The following ARHGAP22 variants were observed in gnomAD, a reference collection of about 807,000 sequenced individuals.
ARHGAP22 encodes the protein rho GTPase-activating protein 22.
Under a neutral mutation model 59.1 loss-of-function variants are expected in ARHGAP22, and 48 were observed. That is an observed-to-expected ratio of 0.81 (90% confidence interval 0.64 to 1.03). ARHGAP22 has a LOEUF of 1.03. ARHGAP22 is among the 50% of genes least tolerant of loss of function. ARHGAP22 has a pLI of 0.00. For missense variants in ARHGAP22, 1,015 were observed against 958.7 expected, an observed-to-expected ratio of 1.06 and a Z score of -0.78; for synonymous variants, 445 against 416.4, an observed-to-expected ratio of 1.07 and a Z score of -0.84.
At chr10:48,508,927 A>G (rs1456060794) in intron 3 of ARHGAP22, among the ~76,000 whole-genome samples, 1 of 152,270 alleles carries the variant, frequency 6.6e-6, no homozygotes, top group Non-Finnish European at 1.5e-5. Context: ...CCTTGTGGGT[A>G]CCACTGGGGC....
intron 3 of ARHGAP22, among the ~76,000 whole-genome samples, chr10:48,554,986 T>C (rs1313615217): frequency 6.6e-6 from 1 of 152,226 alleles, no homozygotes; most frequent in Non-Finnish European, 1.5e-5. Flanking sequence ...ATTGTCAAAC[T>C]TGGAAGTTTA....
intron 1 of ARHGAP22, among the ~76,000 whole-genome samples, chr10:48,588,285 G>T (rs1166409411): frequency 1.3e-5 from 2 of 152,194 alleles, no homozygotes; most frequent in Non-Finnish European, 2.9e-5. Context: ...GATAGGAAAG[G>T]CTGGCTCCAG....
chr10:48,498,521 T>G (rs1589765932), intron 3 of ARHGAP22, among the ~76,000 whole-genome samples: 1 of 152,084 alleles, frequency 6.6e-6, no homozygotes, highest in South Asian at 2.1e-4. Flanking sequence ...GCCCTCTGCA[T>G]CCCCAAGCAG....
intron 2 of ARHGAP22, among the ~76,000 whole-genome samples, chr10:48,582,002 G>T (rs1392757643): frequency 6.6e-6 from 1 of 152,212 alleles, no homozygotes; most frequent in Non-Finnish European, 1.5e-5. Flanking sequence ...GGCTCACAGG[G>T]TTGACACTTC....
chr10:48,450,912 C>T lies in ARHGAP22; in HGVS notation c.1217G>A (p.Arg406Lys). ...GCTCCCCGGCCCCGTGGGGGCTGTTCTGGAGAGCACCGCCACGGCCGCCCC... is the reference window on the plus strand; with the variant it reads ...GCTCCCCGGCCCCGTGGGGGCTGTTTTGGAGAGCACCGCCACGGCCGCCCC... ...LDGAAVAVLSRTAPTGPGSRC... is the reference protein window; with the variant it reads ...LDGAAVAVLSKTAPTGPGSRC... The change falls in exon 9 of 10, where the codon AGA (arginine) becomes AAA (lysine). Residue 406 changes from arginine (R) to lysine (K), a missense_variant. Coordinates refer to ENST00000249601, the MANE Select transcript of ARHGAP22 (RefSeq NM_021226.4). The T allele has an allele frequency of 6.3e-7, 1 of 1,598,168 alleles. No homozygotes were observed. The highest frequency in any genetic ancestry group is 2.3e-5 in the East Asian group (1 of 44,408).
intron 2 of ARHGAP22, among the ~76,000 whole-genome samples, chr10:48,559,722 T>C (rs140554643): frequency 1.3e-5 from 2 of 152,318 alleles, no homozygotes; most frequent in Admixed American, 6.5e-5. Flanking sequence ...TTCTATTGGG[T>C]TGTCTTTTAT....
At chr10:48,638,293 A>T (rs1482851633) in intron 1 of ARHGAP22, among the ~76,000 whole-genome samples, 2 of 152,152 alleles carry the variant, frequency 1.3e-5, no homozygotes. Flanking sequence ...GCTGCTGATC[A>T]GTGGAATCAC....
chr10:48,446,303 T>C lies in ARHGAP22; in HGVS notation c.*88A>G. 1 of 1,452,038 alleles carries C rather than the reference T, an allele frequency of 6.9e-7. No homozygotes were observed. Among genetic ancestry groups the C allele is most frequent in the South Asian group, 1.3e-5 (1 of 77,780 alleles). The allele number at this position is 1,452,038 out of a possible 1,614,324, so 89.9% of individuals were successfully genotyped here. A position where few individuals can be genotyped will look rare whatever the true frequency, so the allele number is the denominator to read the frequency against. On this transcript the variant is annotated 3_prime_UTR_variant, in exon 10 of 10. Coordinates refer to ENST00000249601, the MANE Select transcript of ARHGAP22 (RefSeq NM_021226.4). ...TCTCTCCAGCTGGCTCCAGAGCGCCTGGCTGCTCCAGAGATACAGACGCTT... is the reference window on the plus strand; with the variant it reads ...TCTCTCCAGCTGGCTCCAGAGCGCCCGGCTGCTCCAGAGATACAGACGCTT...
At chr10:48,519,370 T>C (rs2053592262) in intron 3 of ARHGAP22, among the ~76,000 whole-genome samples, 1 of 152,200 alleles carries the variant, frequency 6.6e-6, no homozygotes, top group Non-Finnish European at 1.5e-5. Context: ...CTATACTCTG[T>C]CCACCAGCAA....
intron 9 of ARHGAP22, 72 bp from the exon 10 acceptor site, chr10:48,446,691 T>C (rs527262757): frequency 3.1e-5 from 45 of 1,451,132 alleles, no homozygotes; most frequent in Non-Finnish European, 4.1e-5. Flanking sequence ...TATACCATGC[T>C]TGTGCTCACT....
At chr10:48,512,014 C>T (rs2134560242) in intron 3 of ARHGAP22, among the ~76,000 whole-genome samples, 1 of 152,378 alleles carries the variant, frequency 6.6e-6, no homozygotes, top group African/African-American at 2.4e-5. Context: ...AGAGCCCTAC[C>T]TCAAGAGGAA....
At chr10:48,453,632 A>G (rs2046208782) in intron 7 of ARHGAP22, among the ~76,000 whole-genome samples, 1 of 152,218 alleles carries the variant, frequency 6.6e-6, no homozygotes, top group South Asian at 2.1e-4. Context: ...AGTCACTGGG[A>G]CAAGGGCCCA....
chr10:48,559,846 C>T (rs1841532223), intron 2 of ARHGAP22, among the ~76,000 whole-genome samples: 3 of 152,096 alleles, frequency 2.0e-5, no homozygotes, highest in African/African-American at 7.2e-5. Flanking sequence ...TAGTTTACAT[C>T]TTTTATAGTA....
chr10:48,528,259 A>G (rs918769469), intron 3 of ARHGAP22, among the ~76,000 whole-genome samples: 17 of 152,126 alleles, frequency 1.1e-4, no homozygotes, highest in African/African-American at 3.9e-4. Flanking sequence ...AGAATATCCA[A>G]GGCACCCTCA....
intron 1 of ARHGAP22, among the ~76,000 whole-genome samples, chr10:48,635,926 G>A (rs1475953471): frequency 6.6e-6 from 1 of 152,238 alleles, no homozygotes; most frequent in Non-Finnish European, 1.5e-5. Context: ...TATCTTGCAA[G>A]CTGGCTACAG....
rs10430610 is a variant in ARHGAP22, at chr10:48,593,014, G to A, written c.35-9862C>T. ...CTGGGGACCGGCCACACGGCCTCTCGGCCTCCTTTATCCTCTCTTGTCCTG... is the reference window on the plus strand; with the variant it reads ...CTGGGGACCGGCCACACGGCCTCTCAGCCTCCTTTATCCTCTCTTGTCCTG... On this transcript the variant is annotated intron_variant, in intron 1 of 9. Transcript: ENST00000249601. 1.5e-4 allele frequency among the ~76,000 whole-genome samples: 23 copies of A among 152,150 alleles called. 1 individual carries two copies. Among genetic ancestry groups the A allele is most frequent in the African/African-American group, 4.8e-4 (20 of 41,506 alleles).
intron 3 of ARHGAP22, among the ~76,000 whole-genome samples, chr10:48,547,202 C>T (rs1345988149): frequency 6.6e-6 from 1 of 152,240 alleles, no homozygotes; most frequent in Admixed American, 6.5e-5. Flanking sequence ...TACATGCAGA[C>T]ACCAGCTTGC....
At chr10:48,560,494 T>G (rs1368108183) in intron 2 of ARHGAP22, among the ~76,000 whole-genome samples, 1 of 152,340 alleles carries the variant, frequency 6.6e-6, no homozygotes, top group East Asian at 1.9e-4. Flanking sequence ...AACTTTCATT[T>G]CTTTTTCTTG....
intron 3 of ARHGAP22, among the ~76,000 whole-genome samples, chr10:48,519,929 G>A (rs548536271): frequency 1.3e-3 from 195 of 152,278 alleles, no homozygotes; most frequent in African/African-American, 4.5e-3. Flanking sequence ...GTGGATGCTG[G>A]CTTGGGCAGT....
Sources: gnomAD v4.1 joint callset for allele counts (sites outside exome capture counted in the v4.1 genomes callset) on GRCh38, gnomAD v4.1.1 for gene constraint, MANE v1.5 for transcripts, NCBI Gene and HGNC (gene_info 2026-07-23, HGNC 2026-07-21) for gene names.